TTC1: variants seen among roughly 807,000 people sequenced by gnomAD.
TTC1 encodes the protein tetratricopeptide repeat protein 1.
In TTC1, 31 loss-of-function variants were observed where a neutral mutation model predicts 37.6. That is an observed-to-expected ratio of 0.82 (90% confidence interval 0.62 to 1.11). The LOEUF (loss-of-function observed/expected upper bound fraction) is 1.11. Ranked by LOEUF, TTC1 falls within the 50% of genes most tolerant of loss-of-function variation. The probability of loss-of-function intolerance (pLI) is 0.00; values close to 1 mark genes in which losing one functional copy is unlikely to be tolerated. For synonymous variants in TTC1, 127 were observed against 122.4 expected, an observed-to-expected ratio of 1.04 and a Z score of -0.25; for missense variants, 351 against 339.0, an observed-to-expected ratio of 1.04 and a Z score of -0.28.
intron 2 of TTC1, among the ~76,000 whole-genome samples, chr5:160,021,456 T>C (rs1361759910): frequency 6.6e-6 from 1 of 152,256 alleles, no homozygotes; most frequent in Non-Finnish European, 1.5e-5. Context: ...AGAAAATTTA[T>C]TTCTGTTAAA....
At chr5:160,039,328 T>C (rs34241589) in intron 4 of TTC1, 1 of 151,866 alleles carries the variant, frequency 6.6e-6, no homozygotes, top group Non-Finnish European at 1.5e-5. Context: ...ATATACATTG[T>C]TTTATATGTA....
intron 2 of TTC1, among the ~76,000 whole-genome samples, chr5:160,019,259 A>G (rs555365728): frequency 4.3e-4 from 65 of 152,280 alleles, no homozygotes; most frequent in African/African-American, 1.5e-3. Flanking sequence ...TTTAAGGATT[A>G]TTCTTTAAGG....
At chr5:160,054,696 C>T (rs1018642869) in intron 7 of TTC1, among the ~76,000 whole-genome samples, 6 of 151,364 alleles carry the variant, frequency 4.0e-5, no homozygotes, top group East Asian at 1.9e-4. Flanking sequence ...TTCAAATGTA[C>T]GGTATAGCAT....
In TTC1 at chr5:160,010,515, C is replaced by CCT; in HGVS notation, c.-12_-11dup. Reference sequence around the variant, plus strand: ...TTTCCCCCAGCTTTAGCGTCACCTCCCTCACTGGGCAGCATGGGGGAGAAG... The same window carrying CCT: ...TTTCCCCCAGCTTTAGCGTCACCTCCCTCTCACTGGGCAGCATGGGGGAGAAG... On this transcript the variant is annotated 5_prime_UTR_variant, in exon 2 of 8. Transcript: ENST00000231238. 6.2e-7 allele frequency: 1 copy of CCT among 1,604,164 alleles called. No homozygotes were observed. Among genetic ancestry groups the CCT allele is most frequent in the Non-Finnish European group, 8.5e-7 (1 of 1,172,796 alleles).
intron 3 of TTC1, among the ~76,000 whole-genome samples, chr5:160,035,862 T>G (rs1756990297): frequency 6.6e-6 from 1 of 152,152 alleles, no homozygotes; most frequent in African/African-American, 2.4e-5. Flanking sequence ...TCTAGGAGTG[T>G]TAACATTTTC....
chr5:160,014,712 A>G (rs1756570342), intron 2 of TTC1, among the ~76,000 whole-genome samples: 1 of 152,122 alleles, frequency 6.6e-6, no homozygotes, highest in African/African-American at 2.4e-5. Flanking sequence ...CAAAATGAAT[A>G]AATAAATAAT....
At chr5:160,033,096 A>G (rs1419848766) in intron 2 of TTC1, among the ~76,000 whole-genome samples, 1 of 152,150 alleles carries the variant, frequency 6.6e-6, no homozygotes, top group Admixed American at 6.6e-5. Context: ...CCTTGCCAGT[A>G]AACCTGCCCC....
chr5:160,059,647 G>A (rs1178806479), intron 7 of TTC1, among the ~76,000 whole-genome samples: 2 of 152,160 alleles, frequency 1.3e-5, no homozygotes, highest in African/African-American at 4.8e-5. Context: ...CCTGAGGAGA[G>A]GGAGAGATAC....
At chr5:160,021,254 G>C (rs771749800) in intron 2 of TTC1, among the ~76,000 whole-genome samples, 8 of 152,310 alleles carry the variant, frequency 5.3e-5, no homozygotes, top group Middle Eastern at 3.4e-3. Flanking sequence ...AGGAAGAACT[G>C]TGGCCACACC....
intron 7 of TTC1, among the ~76,000 whole-genome samples, chr5:160,062,740 C>T (rs1454305197): frequency 6.6e-6 from 1 of 152,160 alleles, no homozygotes; most frequent in African/African-American, 2.4e-5. Context: ...ATTCTCACTT[C>T]ACTCACTCCA....
intron 2 of TTC1, among the ~76,000 whole-genome samples, chr5:160,028,515 A>T (rs1756849357): frequency 6.6e-6 from 1 of 151,926 alleles, no homozygotes; most frequent in Non-Finnish European, 1.5e-5. Context: ...GCAAGGTCGC[A>T]CTCTGTCACC....
chr5:160,046,982 A>C (rs1161112260), intron 5 of TTC1, among the ~76,000 whole-genome samples: 1 of 152,248 alleles, frequency 6.6e-6, no homozygotes, highest in Non-Finnish European at 1.5e-5. Context: ...ATTACACTCC[A>C]GCCTGGGTGA....
chr5:160,043,051 A>G (rs1264995499), intron 4 of TTC1, 82 bp from the exon 5 acceptor site: 1 of 1,375,792 alleles, frequency 7.3e-7, no homozygotes, highest in African/African-American at 1.5e-5. Flanking sequence ...AGCAGTTATT[A>G]GTGATCAGAT....
chr5:160,062,417 A>G (rs890425050), intron 7 of TTC1, among the ~76,000 whole-genome samples: 1 of 152,194 alleles, frequency 6.6e-6, no homozygotes, highest in African/African-American at 2.4e-5. Context: ...TGTGGCATGT[A>G]GCCTCTTCGT....
At chr5:160,051,253 AGAG>A (rs1483867454) in intron 7 of TTC1, 70 bp downstream of exon 7, 1 of 1,250,080 alleles carries the variant, frequency 8.0e-7, no homozygotes. Flanking sequence ...AGCGAATACT[AGAG>A]GAGAACACAT....
intron 2 of TTC1, among the ~76,000 whole-genome samples, chr5:160,015,477 GA>G (rs1362884110): frequency 6.6e-6 from 1 of 152,148 alleles, no homozygotes; most frequent in African/African-American, 2.4e-5. Context: ...ACAGTGCTAG[GA>G]TTACAGGTGT....
intron 6 of TTC1, 71 bp downstream of exon 6, chr5:160,049,733 T>A (rs893424413): frequency 2.4e-6 from 3 of 1,249,612 alleles, no homozygotes; most frequent in African/African-American, 1.6e-5. Flanking sequence ...TCCTAAATAA[T>A]CCTTTCAGAC....
In TTC1 at chr5:160,065,242, T is replaced by C. The variant is rs1299239610; in HGVS notation, c.*177T>C. On this transcript the variant is annotated 3_prime_UTR_variant, in exon 8 of 8. Coordinates refer to ENST00000231238, the MANE Select transcript of TTC1 (RefSeq NM_003314.3). ...TATGATCAGGGTGAAATGTACTTCC[T>C]GATGTAATGAACCTAATTTGATTTC... 1 of 896,656 alleles carries C rather than the reference T, an allele frequency of 1.1e-6. No individual in the cohort carries two copies. The highest frequency in any genetic ancestry group is 1.4e-5 in the South Asian group (1 of 70,566). 55.5% of individuals were successfully genotyped at this position (896,656 alleles called of 1,614,324 possible). A position where few individuals can be genotyped will look rare whatever the true frequency, so the allele number is the denominator to read the frequency against.
At chr5:160,029,472 C>A (rs1024425896) in intron 2 of TTC1, among the ~76,000 whole-genome samples, 2 of 138,994 alleles carry the variant, frequency 1.4e-5, no homozygotes, top group East Asian at 2.1e-4. Flanking sequence ...TGAGACCCCC[C>A]CATCTCTACA....
Sources: gnomAD v4.1 joint callset for allele counts (sites outside exome capture counted in the v4.1 genomes callset) on GRCh38, gnomAD v4.1.1 for gene constraint, MANE v1.5 for transcripts, NCBI Gene and HGNC (gene_info 2026-07-23, HGNC 2026-07-21) for gene names.